The following SMARCC1 variants were observed in gnomAD, a reference collection of about 807,000 sequenced individuals.
SMARCC1 encodes SWI/SNF complex subunit SMARCC1.
SMARCC1 carries 43 observed loss-of-function variants against 147.4 expected under a neutral mutation model. That is an observed-to-expected ratio of 0.29 (90% CI 0.23 to 0.38). The LOEUF is 0.38. SMARCC1 is among the 10% of genes least tolerant of loss of function. SMARCC1 has a pLI of 1.00. For synonymous variants in SMARCC1, 495 were observed against 484.4 expected (o/e 1.02, Z -0.29); for missense variants, 1,119 against 1,381.1 (o/e 0.81, Z 3.01).
At chr3:47,729,001 G>A in intron 6 of SMARCC1, 24 bp downstream of exon 6, 1 of 1,547,496 alleles carries the variant, frequency 6.5e-7, no homozygotes, top group Non-Finnish European at 8.9e-7. Context: ...GAGCTCATCT[G>A]TTCACAACGC....
rs959132465 is a variant in SMARCC1, at chr3:47,686,151, T to C, written c.1283A>G (p.Lys428Arg). 7 of 1,612,348 alleles carry C rather than the reference T, an allele frequency of 4.3e-6. No individual in the cohort carries two copies. The highest frequency in any genetic ancestry group is 3.3e-5 in the Admixed American group (2 of 59,972). ...AGGKEDEDPA[K>R]GDQSRSVDLG... ...GTCAACTGATCGACTCTGATCACCTTTGGCAGGATCTTCATCTTCCTATAG... is the reference window on the plus strand; with the variant it reads ...GTCAACTGATCGACTCTGATCACCTCTGGCAGGATCTTCATCTTCCTATAG... The change falls in exon 14 of 28, where the codon AAA becomes AGA. Residue 428 changes from lysine (K) to arginine (R), a missense_variant. Lys to Arg is a conservative substitution (Grantham distance 26, BLOSUM62 2). Around this residue, in one of 6 missense-constraint regions of SMARCC1, gnomAD observed 542 missense variants for 611.8 expected, o/e 0.89. Coordinates refer to ENST00000254480, the MANE Select transcript of SMARCC1 (RefSeq NM_003074.4).
At position 47,588,064 on chromosome 3, in the gene SMARCC1, G is replaced by C; in HGVS notation, c.*145C>G. 1.6e-6 allele frequency: 1 copy of C among 634,310 alleles called. No individual in the cohort carries two copies. The allele number at this position is 634,310 out of a possible 1,614,324, so 39.3% of individuals were successfully genotyped here. ...AAAGTGTCAGAGAGAGGGGTGGTAA[G>C]AGGAGTGGGGAGGCACGGGACACGT... On this transcript the variant is annotated 3_prime_UTR_variant, in exon 28 of 28. Coordinates refer to ENST00000254480, the MANE Select transcript of SMARCC1 (RefSeq NM_003074.4).
chr3:47,762,024 C>T lies in SMARCC1; in HGVS notation c.315+10793G>A, dbSNP rs1380017431. On this transcript the variant is annotated intron_variant, in intron 2 of 27. Coordinates refer to ENST00000254480, the MANE Select transcript of SMARCC1 (RefSeq NM_003074.4). ...CCAGAACTCCTGATTTCAGGTAATC[C>T]GCCCGCCTCAGCCTCCCAAAGTGCT... 2.0e-5 allele frequency among the ~76,000 whole-genome samples: 3 copies of T among 152,242 alleles called. No homozygotes were observed. The South Asian group carries it at 6.2e-4, about 32-fold the overall frequency.
chr3:47,725,032 C>CAAAAAAAAAA (rs35548192), intron 6 of SMARCC1, among the ~76,000 whole-genome samples: 4 of 31,632 alleles, frequency 1.3e-4, no homozygotes, highest in South Asian at 1.6e-3. Context: ...ACTGTCTCCA[C>CAAAAAAAAAA]AAAAAAAAAA....
intron 21 of SMARCC1, among the ~76,000 whole-genome samples, chr3:47,641,235 C>A (rs1270344562): frequency 6.6e-6 from 1 of 152,156 alleles, no homozygotes; most frequent in Non-Finnish European, 1.5e-5. Context: ...GCCTGTAATC[C>A]CAGCACTTTG....
intron 26 of SMARCC1, among the ~76,000 whole-genome samples, chr3:47,597,725 T>C (rs1304505833): frequency 6.6e-6 from 1 of 152,184 alleles, no homozygotes; most frequent in Non-Finnish European, 1.5e-5. Context: ...GTCTCCTGAG[T>C]TGCTGGGACT....
intron 26 of SMARCC1, among the ~76,000 whole-genome samples, chr3:47,592,773 A>AT (rs1421933727): frequency 6.7e-6 from 1 of 150,216 alleles, no homozygotes; most frequent in Non-Finnish European, 1.5e-5. Flanking sequence ...TAATTTTTAA[A>AT]TTTTTTGTAG....
intron 24 of SMARCC1, among the ~76,000 whole-genome samples, chr3:47,625,519 G>T (rs924988036): frequency 2.0e-5 from 3 of 152,024 alleles, no homozygotes; most frequent in African/African-American, 4.8e-5. Flanking sequence ...ACCGGCATGA[G>T]CCACCGTGCC....
intron 21 of SMARCC1, among the ~76,000 whole-genome samples, chr3:47,651,043 G>A (rs913997672): frequency 3.3e-5 from 5 of 152,266 alleles, no homozygotes; most frequent in Middle Eastern, 3.4e-3. Flanking sequence ...GGTGGCTCAC[G>A]TCTGCAATCC....
At chr3:47,755,621 G>A (rs1167860873) in intron 2 of SMARCC1, among the ~76,000 whole-genome samples, 3 of 151,948 alleles carry the variant, frequency 2.0e-5, no homozygotes, top group Non-Finnish European at 4.4e-5. Context: ...CACTTTGGGT[G>A]GTCAAGGCGG....
At chr3:47,608,845 T>C (rs1026311563) in intron 26 of SMARCC1, among the ~76,000 whole-genome samples, 3 of 97,098 alleles carry the variant, frequency 3.1e-5, no homozygotes, top group African/African-American at 1.3e-4. Context: ...CGAGACAGTG[T>C]CTTTAAAAAA....
rs772629324 is a variant in SMARCC1, at chr3:47,728,981, T to C, written c.646+44A>G. 5 of 1,193,116 alleles carry C rather than the reference T, an allele frequency of 4.2e-6. No individual in the cohort carries two copies. In the South Asian group the frequency reaches 6.8e-5, roughly 16 times the overall value. 73.9% of individuals were successfully genotyped at this position (1,193,116 alleles called of 1,614,324 possible). On this transcript the variant is annotated intron_variant, in intron 6 of 27. Transcript: ENST00000254480. ...GGGGTATGACATAAAATCCATTTGG[T>C]ATGATGTATGAGCTCATCTGTTCAC...
At chr3:47,759,781 A>T (rs979104411) in intron 2 of SMARCC1, among the ~76,000 whole-genome samples, 2 of 147,914 alleles carry the variant, frequency 1.4e-5, no homozygotes, top group Admixed American at 1.4e-4. Flanking sequence ...CTAAAAATAC[A>T]AAAAAATTAG....
chr3:47,773,043 G>C (rs2034933575), intron 1 of SMARCC1, 107 bp from the exon 2 acceptor site: 3 of 916,558 alleles, frequency 3.3e-6, no homozygotes, highest in Non-Finnish European at 3.3e-6. Context: ...GAAATTTATA[G>C]ATGTCTGAGA....
chr3:47,722,361 G>A (rs1365190526), intron 6 of SMARCC1, among the ~76,000 whole-genome samples: 6 of 144,478 alleles, frequency 4.2e-5, no homozygotes, highest in South Asian at 2.2e-4. Flanking sequence ...GCAATGGTGC[G>A]ATCTCGGCTC....
At chr3:47,733,584 A>C (rs2034402541) in intron 5 of SMARCC1, among the ~76,000 whole-genome samples, 1 of 151,522 alleles carries the variant, frequency 6.6e-6, no homozygotes, top group Non-Finnish European at 1.5e-5. Context: ...CTACTAAAAA[A>C]TAAAAAATTA....
At chr3:47,607,974 C>G in intron 26 of SMARCC1, among the ~76,000 whole-genome samples, 1 of 152,080 alleles carries the variant, frequency 6.6e-6, no homozygotes, top group Middle Eastern at 3.4e-3. Context: ...AAAATATACA[C>G]AAAAAAACCC....
chr3:47,677,596 G>A (rs2033590554), intron 16 of SMARCC1, among the ~76,000 whole-genome samples: 1 of 151,316 alleles, frequency 6.6e-6, no homozygotes, highest in Admixed American at 6.6e-5. Flanking sequence ...CTGTTGCGCA[G>A]GCTGGAATGC....
At chr3:47,684,274 T>G (rs1388425921) in intron 14 of SMARCC1, among the ~76,000 whole-genome samples, 1 of 151,000 alleles carries the variant, frequency 6.6e-6, no homozygotes, top group Non-Finnish European at 1.5e-5. Flanking sequence ...GTACTCCAGT[T>G]ACATCCAACT....
Sources: gnomAD v4.1 joint callset for allele counts (sites outside exome capture counted in the v4.1 genomes callset) on GRCh38, gnomAD v4.1.1 for gene constraint, gnomAD v4.1.1 regional missense constraint, MANE v1.5 for transcripts, NCBI Gene and HGNC (gene_info 2026-07-23, HGNC 2026-07-21) for gene names.